Variants in KCNT1 observed in about 807,000 individuals in gnomAD.
KCNT1 encodes the protein potassium sodium-activated channel subfamily T member 1.
In KCNT1, 78 loss-of-function variants were observed where a neutral mutation model predicts 147.8. The observed-to-expected ratio is 0.53, with a 90% CI of 0.44 to 0.64. The LOEUF (loss-of-function observed/expected upper bound fraction) is 0.64. KCNT1 is among the 30% of genes least tolerant of loss of function. The probability of loss-of-function intolerance (pLI) is 0.00; values close to 1 mark genes in which losing one functional copy is unlikely to be tolerated. For synonymous variants in KCNT1, 867 were observed against 748.8 expected (o/e 1.16, Z -2.58); for missense variants, 1,419 against 1,750.3 (o/e 0.81, Z 3.38).
intron 2 of KCNT1, among the ~76,000 whole-genome samples, chr9:135,731,582 C>G (rs1013627784): frequency 3.9e-5 from 6 of 152,112 alleles, no homozygotes; most frequent in African/African-American, 1.4e-4. Context: ...AGGGCGTGTG[C>G]ATTTGTGCCG....
Position 135,784,878 on chromosome 9 carries a change from T to G in KCNT1, c.3145T>G (p.Ser1049Ala), listed in dbSNP as rs1833918106. Residue 1049 changes from serine (S) to alanine (A), a missense_variant, in exon 27 of 31, where the codon TCC (serine) becomes GCC (alanine). Coordinates refer to ENST00000371757, the MANE Select transcript of KCNT1 (RefSeq NM_020822.3). ...GIYRTESHVF[S>A]TSEPHDLRAQ... ...CTACCGGACAGAGAGCCACGTCTTC[T>G]CCACCTCGGAGGTTCTGGGGCAGCC... 2.5e-6 allele frequency: 4 copies of G among 1,612,306 alleles called. No homozygotes were observed. Among genetic ancestry groups the G allele is most frequent in the Non-Finnish European group, 3.4e-6 (4 of 1,179,916 alleles).
chr9:135,779,494 G>C, intron 24 of KCNT1, 24 bp downstream of exon 24: 4 of 1,505,760 alleles, frequency 2.7e-6, no homozygotes, highest in Non-Finnish European at 3.7e-6. Flanking sequence ...CCCCGTGCCA[G>C]CTGCCACCCC....
At chr9:135,755,523 G>A (rs1417166322) in intron 6 of KCNT1, among the ~76,000 whole-genome samples, 1 of 147,328 alleles carries the variant, frequency 6.8e-6, no homozygotes, top group Non-Finnish European at 1.5e-5. Flanking sequence ...TGAGCACTGA[G>A]TACAGACCCA....
chr9:135,764,986 C>A (rs1342952408), intron 11 of KCNT1, 45 bp from the exon 12 acceptor site: 1 of 1,568,420 alleles, frequency 6.4e-7, no homozygotes, highest in Admixed American at 1.8e-5. Context: ...GGAGCCCTCG[C>A]TCCCCAGGCC....
chr9:135,749,041 G>A lies in KCNT1; in HGVS notation c.255-1057G>A, dbSNP rs1187849948. On this transcript the variant is annotated intron_variant, in intron 2 of 30. Transcript: ENST00000371757. ...ACATGTGCTCCCCCTTCCCAGAGAC[G>A]GCCATGCCTGCTGCAGGAACCCTGG... Among the ~76,000 whole-genome samples, 6 of 152,328 alleles carry A rather than the reference G, an allele frequency of 3.9e-5. No individual in the cohort carries two copies. The South Asian group carries it at 6.2e-4, about 16-fold the overall frequency.
At chr9:135,757,874 C>T (rs1327764463) in intron 9 of KCNT1, among the ~76,000 whole-genome samples, 1 of 152,250 alleles carries the variant, frequency 6.6e-6, no homozygotes, top group African/African-American at 2.4e-5. Flanking sequence ...AAGCCAGACC[C>T]CTTGACTCAC....
intron 1 of KCNT1, among the ~76,000 whole-genome samples, chr9:135,711,744 T>C (rs952056448): frequency 6.6e-6 from 1 of 152,218 alleles, no homozygotes; most frequent in Non-Finnish European, 1.5e-5. Context: ...GTCCCAAGCC[T>C]GAGCTCTCTG....
chr9:135,768,796 C>T (rs755240957), intron 14 of KCNT1, 33 bp from the exon 15 acceptor site: 5 of 1,578,990 alleles, frequency 3.2e-6, no homozygotes, highest in Non-Finnish European at 4.3e-6. Flanking sequence ...AGAGGCCAGC[C>T]CGTCTGCACT....
In KCNT1 at chr9:135,785,961, C is replaced by T. The variant is rs914404139; in HGVS notation, c.3178-236C>T. 8 of 568,294 alleles carry T rather than the reference C, an allele frequency of 1.4e-5. No homozygotes were observed. The Admixed American group carries it at 1.7e-4, about 12-fold the overall frequency. The allele number at this position is 568,294 out of a possible 1,614,324, so 35.2% of individuals were successfully genotyped here. ...GGCGAATCCCTTGACCAGGCCCGGG[C>T]AGGGTGGGTGGCCCGGCGATCTGTG... On this transcript the variant is annotated intron_variant, in intron 28 of 30. Transcript: ENST00000371757.
intron 20 of KCNT1, among the ~76,000 whole-genome samples, chr9:135,776,416 C>T (rs1352391194): frequency 6.6e-6 from 1 of 152,078 alleles, no homozygotes; most frequent in Non-Finnish European, 1.5e-5. Flanking sequence ...CACCACCACA[C>T]CTGGCTAATT....
At position 135,714,770 on chromosome 9, in the gene KCNT1, C is replaced by G; in HGVS notation, c.254+50C>G. On this transcript the variant is annotated intron_variant, in intron 2 of 30. Transcript: ENST00000371757. The surrounding 1 kb of genome is among the most constrained non-coding windows in gnomAD (Gnocchi z 6.2). ...GCTGGGGTCGCCGTCCCGGCGCCGC[C>G]GCACGCCCGGAGCTGTCCGCGGTGC... 2 of 1,178,822 alleles carry G rather than the reference C, an allele frequency of 1.7e-6. No individual in the cohort carries two copies. Among genetic ancestry groups the G allele is most frequent in the Non-Finnish European group, 2.1e-6 (2 of 941,340 alleles). The allele number at this position is 1,178,822 out of a possible 1,614,324, so 73.0% of individuals were successfully genotyped here. A position where few individuals can be genotyped will look rare whatever the true frequency, so the allele number is the denominator to read the frequency against.
At chr9:135,731,979 T>G (rs866460077) in intron 2 of KCNT1, among the ~76,000 whole-genome samples, 25 of 28,230 alleles carry the variant, frequency 8.9e-4, no homozygotes, top group Admixed American at 1.8e-3. Flanking sequence ...TATATATATA[T>G]ATATATATAT....
intron 2 of KCNT1, among the ~76,000 whole-genome samples, chr9:135,723,803 G>C (rs557028169): frequency 6.6e-6 from 1 of 152,196 alleles, no homozygotes. Context: ...GCCACCCCTC[G>C]GGGCTTGCAG....
chr9:135,732,024 A>AGAGAGAGAGGGAGGGAGG (rs1554766183), intron 2 of KCNT1, among the ~76,000 whole-genome samples: 2 of 65,084 alleles, frequency 3.1e-5, no homozygotes, highest in Non-Finnish European at 6.4e-5. Context: ...AGAGAGAGAG[A>AGAGAGAGAGGGAGGGAGG]GAGAGAGAGA....
intron 19 of KCNT1, 80 bp from the exon 20 acceptor site, chr9:135,775,230 C>T (rs1833077695): frequency 1.9e-6 from 2 of 1,041,702 alleles, no homozygotes; most frequent in South Asian, 3.2e-5. Context: ...GCCCTCGAGT[C>T]CCCCAGCCCG....
intron 2 of KCNT1, among the ~76,000 whole-genome samples, chr9:135,747,272 C>T (rs1412095): frequency 0.58 from 88,323 of 151,244 alleles, 25,808 homozygotes; most frequent in Middle Eastern, 0.8. Context: ...GGGTGGGAGG[C>T]AGTAGGAGCA....
chr9:135,735,081 C>A (rs1385623419), intron 2 of KCNT1, among the ~76,000 whole-genome samples: 2 of 152,202 alleles, frequency 1.3e-5, no homozygotes, highest in Non-Finnish European at 2.9e-5. Context: ...CTGGTGCTCC[C>A]CAACACCAGG....
At chr9:135,772,988 G>A in intron 19 of KCNT1, 39 bp downstream of exon 19, 5 of 1,376,254 alleles carry the variant, frequency 3.6e-6, no homozygotes, top group Non-Finnish European at 4.8e-6. Context: ...GTGGGGGGAG[G>A]AGCCGCCCAT....
At chr9:135,731,960 G>GCATATATATATATATA (rs1554766096) in intron 2 of KCNT1, among the ~76,000 whole-genome samples, 1 of 41,414 alleles carries the variant, frequency 2.4e-5, no homozygotes, top group South Asian at 9.3e-4. Flanking sequence ...AAATATGCGT[G>GCATATATATATATATA]TATATATATA....
Sources: allele counts gnomAD v4.1 joint callset (sites outside exome capture counted in the v4.1 genomes callset), GRCh38; gene constraint gnomAD v4.1.1; non-coding constraint Gnocchi (gnomAD v3.1); transcripts MANE v1.5; gene names NCBI Gene and HGNC (gene_info 2026-07-23, HGNC 2026-07-21).